The following CLEC12A variants were observed in gnomAD, a reference collection of about 807,000 sequenced individuals.
CLEC12A encodes the protein C-type lectin protein CLL-1.
In CLEC12A, 22 loss-of-function variants were observed where a neutral mutation model predicts 26.5. The observed-to-expected ratio is 0.83, with a 90% CI of 0.59 to 1.19. The LOEUF is 1.19. CLEC12A is among the 50% of genes most tolerant of loss of function. CLEC12A has a pLI of 0.00. For missense variants in CLEC12A, 353 were observed against 315.6 expected, an observed-to-expected ratio of 1.12 and a Z score of -0.90; for synonymous variants, 119 against 101.9, an observed-to-expected ratio of 1.17 and a Z score of -1.01.
chr12:9,975,744 C>A (rs1484587061), intron 1 of CLEC12A, among the ~76,000 whole-genome samples: 3 of 152,154 alleles, frequency 2.0e-5, no homozygotes, highest in African/African-American at 7.2e-5. Context: ...GAAAATGACT[C>A]CAGGGCATAT....
intron 4 of CLEC12A, 51 bp downstream of exon 4, chr12:9,980,784 T>C (rs765703572): frequency 6.3e-7 from 1 of 1,583,580 alleles, no homozygotes; most frequent in Non-Finnish European, 8.6e-7. Context: ...GTGTGGCATG[T>C]TGGAGAAGAC....
chr12:9,995,048 A>G, exon 5 of CLEC12A: 2 of 1,590,434 alleles, frequency 1.3e-6, no homozygotes, highest in Non-Finnish European at 1.7e-6. Flanking sequence ...TGCTTCTATA[A>G]CCCATAGTAG....
intron 4 of CLEC12A, among the ~76,000 whole-genome samples, chr12:9,994,554 A>G (rs1864984166): frequency 6.6e-6 from 1 of 152,080 alleles, no homozygotes; most frequent in Admixed American, 6.6e-5. Flanking sequence ...GCCATATAGG[A>G]AGCAACTCCA....
At chr12:9,998,879 A>G (rs1010386051), downstream of CLEC12A, among the ~76,000 whole-genome samples, 6 of 152,218 alleles carry the variant, frequency 3.9e-5, no homozygotes, top group African/African-American at 9.6e-5. Flanking sequence ...ATAGGTCTGT[A>G]TGAGCTTATG....
chr12:9,979,293 C>T lies in CLEC12A; in HGVS notation c.191-43C>T, dbSNP rs771573985. 6.5e-6 allele frequency: 9 copies of T among 1,390,674 alleles called. No individual in the cohort carries two copies. In the East Asian group the frequency reaches 2.2e-4, roughly 34 times the overall value. The allele number at this position is 1,390,674 out of a possible 1,614,324, so 86.1% of individuals were successfully genotyped here. A position where few individuals can be genotyped will look rare whatever the true frequency, so the allele number is the denominator to read the frequency against. ...CTGCAAATGATAAAGGATGATGGCTCTATTGAGAATTTACAATTTTTTGTC... is the reference window on the plus strand; with the variant it reads ...CTGCAAATGATAAAGGATGATGGCTTTATTGAGAATTTACAATTTTTTGTC... On this transcript the variant is annotated intron_variant, in intron 2 of 5. Transcript: ENST00000304361.
At chr12:9,962,799 G>T (rs1863858999) in intron 1 of CLEC12A, among the ~76,000 whole-genome samples, 1 of 152,218 alleles carries the variant, frequency 6.6e-6, no homozygotes, top group African/African-American at 2.4e-5. Flanking sequence ...GTATGTGCAG[G>T]TCACAGGGGA....
chr12:9,998,748 T>C (rs1865114975), downstream of CLEC12A, among the ~76,000 whole-genome samples: 1 of 152,166 alleles, frequency 6.6e-6, no homozygotes, highest in Non-Finnish European at 1.5e-5. Flanking sequence ...TTTGCTCACA[T>C]ATAGAAAATG....
At chr12:9,993,704 A>G (rs977686443) in intron 4 of CLEC12A, among the ~76,000 whole-genome samples, 11 of 152,128 alleles carry the variant, frequency 7.2e-5, no homozygotes, top group African/African-American at 2.7e-4. Flanking sequence ...GAATACGCTC[A>G]TGGAAAAGTG....
intron 4 of CLEC12A, chr12:9,994,943 C>A: frequency 1.4e-6 from 2 of 1,401,614 alleles, no homozygotes; most frequent in Non-Finnish European, 1.9e-6. Flanking sequence ...TGGATTGTGG[C>A]TTAGATAAAG....
upstream of CLEC12A, among the ~76,000 whole-genome samples, chr12:9,968,168 A>C (rs1430108804): frequency 6.6e-6 from 1 of 152,158 alleles, no homozygotes; most frequent in Non-Finnish European, 1.5e-5. Context: ...TGGTCTGAGG[A>C]CCAGAGGTCA....
intron 1 of CLEC12A, among the ~76,000 whole-genome samples, chr12:9,955,315 C>G (rs1238091846): frequency 6.6e-6 from 1 of 152,164 alleles, no homozygotes; most frequent in Non-Finnish European, 1.5e-5. Flanking sequence ...TCTTGATCTC[C>G]TGACCTCATG....
chr12:9,993,256 T>C (rs764169274), intron 4 of CLEC12A: 4 of 1,612,954 alleles, frequency 2.5e-6, no homozygotes, highest in South Asian at 1.1e-5. Context: ...GCACAATTCA[T>C]ATTTCCTTTT....
chr12:9,985,558 T>C lies in CLEC12A; in HGVS notation c.*532T>C. 1 of 398,560 alleles carries C rather than the reference T, an allele frequency of 2.5e-6. No homozygotes were observed. Among genetic ancestry groups the C allele is most frequent in the East Asian group, 3.6e-5 (1 of 28,070 alleles). The allele number at this position is 398,560 out of a possible 1,614,324, so 24.7% of individuals were successfully genotyped here. ...CATTTATTACCTCTTAAAATTATTA[T>C]TTTAAGTAAAAGCCAATAAACAAAA... is the stretch of plus-strand genomic sequence containing the variant. On this transcript the variant is annotated 3_prime_UTR_variant, in exon 6 of 6. Coordinates refer to ENST00000304361, the MANE Select transcript of CLEC12A (RefSeq NM_138337.6).
chr12:9,973,946 C>G (rs1372679000), intron 1 of CLEC12A, among the ~76,000 whole-genome samples: 1 of 152,134 alleles, frequency 6.6e-6, no homozygotes, highest in East Asian at 1.9e-4. Flanking sequence ...ACCACTTAAG[C>G]CTTTCCATTA....
intron 3 of CLEC12A, 43 bp downstream of exon 3, chr12:9,979,567 T>A: frequency 7.1e-7 from 1 of 1,399,536 alleles, no homozygotes; most frequent in Non-Finnish European, 9.9e-7. Context: ...GACAATAAAC[T>A]AAACCACTGA....
At chr12:10,004,367 T>G in the CLEC12A span, among the ~76,000 whole-genome samples, 6 of 150,956 alleles carry the variant, frequency 4.0e-5, no homozygotes, top group Admixed American at 2.0e-4. Flanking sequence ...AATGTGGGGG[T>G]TTTACTGAGT....
chr12:9,984,848 A>T, intron 5 of CLEC12A, 22 bp from the exon 6 acceptor site: 1 of 1,432,564 alleles, frequency 7.0e-7, no homozygotes, highest in Non-Finnish European at 9.2e-7. Context: ...TGCCAAGTGT[A>T]ATTCTTTACT....
At chr12:9,963,488 C>T (rs11053527) in intron 1 of CLEC12A, among the ~76,000 whole-genome samples, 118,522 of 143,392 alleles carry the variant, frequency 0.83, 49,763 homozygotes, top group Middle Eastern at 0.9. Flanking sequence ...TATGGAAGGT[C>T]GTGACAGAGG....
rs545052522 is a variant in CLEC12A, at chr12:9,979,053, T to C, written c.179T>C (p.Leu60Ser). Residue 60 changes from leucine (L) to serine (S), a missense_variant, in exon 2 of 6, where the codon TTG becomes TCG. Transcript: ENST00000304361. ...CTGTTGCTCATTGGATTGGGAGTCTTGGCAAGCATGTGTATGTACTGCCCC... is the reference window on the plus strand; with the variant it reads ...CTGTTGCTCATTGGATTGGGAGTCTCGGCAAGCATGTGTATGTACTGCCCC... ...CLLLLIGLGV[L>S]ASMFHVTLKI... 18 of 1,613,138 alleles carry C rather than the reference T, an allele frequency of 1.1e-5. No homozygotes were observed. Among genetic ancestry groups the C allele is most frequent in the Admixed American group, 1.0e-4 (6 of 59,982 alleles).
Sources: allele counts gnomAD v4.1 joint callset (sites outside exome capture counted in the v4.1 genomes callset), GRCh38; gene constraint gnomAD v4.1.1; transcripts MANE v1.5; gene names NCBI Gene and HGNC (gene_info 2026-07-23, HGNC 2026-07-21).